The following XKR6 variants were observed in gnomAD, a reference collection of about 807,000 sequenced individuals.
XKR6 encodes the protein XK-related protein 6.
In XKR6, 22 loss-of-function variants were observed where a neutral mutation model predicts 56.7. The observed-to-expected ratio is 0.39, with a 90% CI of 0.28 to 0.55. XKR6 has a LOEUF of 0.55. Ranked by LOEUF, XKR6 falls within the 20% of genes least tolerant of loss-of-function variation. The pLI, the probability that XKR6 is intolerant of heterozygous loss-of-function variation, is 0.66. For synonymous variants in XKR6, 524 were observed against 387.8 expected, an observed-to-expected ratio of 1.35 and a Z score of -4.13; for missense variants, 852 against 889.0, an observed-to-expected ratio of 0.96 and a Z score of 0.53.
In XKR6 at chr8:11,035,698, G is replaced by A. The variant is rs1799123191; in HGVS notation, c.765-110868C>T. Among the ~76,000 whole-genome samples, 6 of 152,202 alleles carry A rather than the reference G, an allele frequency of 3.9e-5. No individual in the cohort carries two copies. The South Asian group carries it at 1.2e-3, about 31-fold the overall frequency. On this transcript the variant is annotated intron_variant, in intron 1 of 2. Transcript: ENST00000416569. The stretch of plus-strand genomic sequence containing the variant: ...TCCTTACATGTGTACAGACAGTGGT[G>A]TGTCATTTCTCACACATTTTCAGAT...
At chr8:10,985,597 TAAAA>T (rs35383772) in intron 1 of XKR6, among the ~76,000 whole-genome samples, 3 of 136,364 alleles carry the variant, frequency 2.2e-5, no homozygotes, top group African/African-American at 7.9e-5. Context: ...ATCTTTTGGT[TAAAA>T]AAAAAAAAAA....
intron 1 of XKR6, among the ~76,000 whole-genome samples, chr8:11,155,228 GC>G (rs1441777889): frequency 6.6e-6 from 1 of 152,154 alleles, no homozygotes; most frequent in Admixed American, 6.5e-5. Context: ...CTTGCTTCAG[GC>G]TTCCAAATTT....
intron 1 of XKR6, among the ~76,000 whole-genome samples, chr8:10,946,165 T>C (rs1801531882): frequency 6.6e-6 from 1 of 152,020 alleles, no homozygotes; most frequent in Non-Finnish European, 1.5e-5. Flanking sequence ...TTTCTCACAA[T>C]CTGCCGGGAC....
chr8:11,075,643 G>C (rs1459899717), intron 1 of XKR6, among the ~76,000 whole-genome samples: 2 of 152,134 alleles, frequency 1.3e-5, no homozygotes, highest in African/African-American at 2.4e-5. Context: ...CCAGCACTTT[G>C]GGAGGCTGAG....
At chr8:11,058,266 C>T (rs766974122) in intron 1 of XKR6, among the ~76,000 whole-genome samples, 1 of 151,996 alleles carries the variant, frequency 6.6e-6, no homozygotes, top group East Asian at 1.9e-4. Context: ...GACAGTGTGG[C>T]GATTCCTCAA....
chr8:11,190,295 G>A (rs866274012), intron 1 of XKR6, among the ~76,000 whole-genome samples: 39 of 151,774 alleles, frequency 2.6e-4, no homozygotes, highest in African/African-American at 6.5e-4. Context: ...TAAAAGAAAA[G>A]AAAAGAAAAC....
intron 1 of XKR6, among the ~76,000 whole-genome samples, chr8:11,101,122 G>C (rs1798460774): frequency 6.6e-6 from 1 of 152,222 alleles, no homozygotes; most frequent in South Asian, 2.1e-4. Flanking sequence ...CAGAATTCTA[G>C]TACTGTGCAC....
chr8:11,014,687 C>G (rs1056638539), intron 1 of XKR6, among the ~76,000 whole-genome samples: 6 of 152,156 alleles, frequency 3.9e-5, no homozygotes, highest in Non-Finnish European at 1.5e-5. Context: ...GGGGCAAAGC[C>G]TTTGCCTCAT....
intron 1 of XKR6, among the ~76,000 whole-genome samples, chr8:11,023,059 G>C (rs1798782023): frequency 1.3e-5 from 2 of 152,164 alleles, no homozygotes; most frequent in African/African-American, 2.4e-5. Context: ...TCAAACTCCA[G>C]ACCAAAGGCT....
intron 1 of XKR6, among the ~76,000 whole-genome samples, chr8:11,107,627 G>T (rs973603468): frequency 2.6e-5 from 4 of 152,178 alleles, no homozygotes; most frequent in Non-Finnish European, 4.4e-5. Context: ...CTCTGTAGAT[G>T]CGAAACAGTG....
At chr8:10,976,233 T>TG (rs1477804043) in intron 1 of XKR6, among the ~76,000 whole-genome samples, 1 of 151,162 alleles carries the variant, frequency 6.6e-6, no homozygotes, top group Non-Finnish European at 1.5e-5. Flanking sequence ...GAGGGTTTAG[T>TG]GGGGTCATTA....
intron 1 of XKR6, among the ~76,000 whole-genome samples, chr8:11,020,886 G>A (rs1798734920): frequency 6.6e-6 from 1 of 152,310 alleles, no homozygotes; most frequent in Middle Eastern, 3.4e-3. Flanking sequence ...ATCTCTTAGG[G>A]CTGTTGTGAT....
In XKR6 at chr8:11,017,340, T is replaced by C. The variant is rs188691420; in HGVS notation, c.765-92510A>G. Among the ~76,000 whole-genome samples, 716 of 152,330 alleles carry C rather than the reference T, an allele frequency of 4.7e-3. 2 individuals are homozygous for C. The highest frequency in any genetic ancestry group is 0.017 in the African/African-American group (695 of 41,584). The stretch of plus-strand genomic sequence containing the variant: ...CAGTACCCAGGCTTTGGCAACCTCC[T>C]CAATAGACACGAAGCTGCAGGTTTT... On this transcript the variant is annotated intron_variant, in intron 1 of 2. Coordinates refer to ENST00000416569, the MANE Select transcript of XKR6 (RefSeq NM_173683.4).
At chr8:11,065,407 G>A (rs573752681) in intron 1 of XKR6, among the ~76,000 whole-genome samples, 12 of 152,280 alleles carry the variant, frequency 7.9e-5, no homozygotes, top group African/African-American at 2.9e-4. Context: ...CGGTGGCTTC[G>A]TCATATGACC....
At chr8:11,078,748 G>A (rs1017454561) in intron 1 of XKR6, among the ~76,000 whole-genome samples, 1 of 152,168 alleles carries the variant, frequency 6.6e-6, no homozygotes, top group Non-Finnish European at 1.5e-5. Context: ...AGGAAATTCT[G>A]GGTAGGCCCA....
Position 11,173,343 on chromosome 8 carries a change from T to TA in XKR6, c.764+27232dup, listed in dbSNP as rs200300227. ...TGGGCAACAAAGCGAGACTCCGCCT[T>TA]AAAAAAAATATATATATATATATAC... is the stretch of plus-strand genomic sequence containing the variant. On this transcript the variant is annotated intron_variant, in intron 1 of 2. Transcript: ENST00000416569. Among the ~76,000 whole-genome samples the TA allele has an allele frequency of 8.6e-4, 119 of 138,064 alleles. 2 individuals are homozygous for TA. Among genetic ancestry groups the TA allele is most frequent in the Admixed American group, 7.1e-3 (100 of 14,116 alleles). 90.6% of individuals were successfully genotyped at this position (138,064 alleles called of 152,430 possible). A position where few individuals can be genotyped will look rare whatever the true frequency, so the allele number is the denominator to read the frequency against.
chr8:11,134,377 A>G (rs1448909419), intron 1 of XKR6, among the ~76,000 whole-genome samples: 2 of 152,118 alleles, frequency 1.3e-5, no homozygotes, highest in Non-Finnish European at 2.9e-5. Flanking sequence ...ATCTGAAACT[A>G]ATAAGTATTA....
At chr8:11,060,506 C>A (rs985581853) in intron 1 of XKR6, among the ~76,000 whole-genome samples, 2 of 152,242 alleles carry the variant, frequency 1.3e-5, no homozygotes, top group African/African-American at 4.8e-5. Flanking sequence ...GAGACCCTGA[C>A]CTGATCCTCG....
At chr8:11,169,839 A>G (rs1413611548) in intron 1 of XKR6, among the ~76,000 whole-genome samples, 1 of 152,214 alleles carries the variant, frequency 6.6e-6, no homozygotes, top group Non-Finnish European at 1.5e-5. Context: ...ATTTTACACT[A>G]TATATATTTT....
Sources: gnomAD v4.1 joint callset for allele counts (sites outside exome capture counted in the v4.1 genomes callset) on GRCh38, gnomAD v4.1.1 for gene constraint, MANE v1.5 for transcripts, NCBI Gene and HGNC (gene_info 2026-07-23, HGNC 2026-07-21) for gene names.